CRNKL1: variants seen among roughly 807,000 people sequenced by gnomAD.
CRNKL1 encodes the protein crooked neck pre-mRNA splicing factor 1.
CRNKL1 carries 35 observed loss-of-function variants against 103.7 expected under a neutral mutation model. That is an observed-to-expected ratio of 0.34 (90% CI 0.26 to 0.45). The LOEUF (loss-of-function observed/expected upper bound fraction) is 0.45, where lower values mean the gene tolerates loss of function less well. Ranked by LOEUF, CRNKL1 falls within the 20% of genes least tolerant of loss-of-function variation. The pLI is 1.00. For missense variants in CRNKL1, 645 were observed against 836.0 expected, an observed-to-expected ratio of 0.77 and a Z score of 2.82; for synonymous variants, 267 against 282.6, an observed-to-expected ratio of 0.94 and a Z score of 0.55.
Position 20,038,429 on chromosome 20 carries a change from C to G in CRNKL1, c.1567G>C (p.Asp523His). 1 of 1,551,572 alleles carries G rather than the reference C, an allele frequency of 6.4e-7. No homozygotes were observed. Among genetic ancestry groups the G allele is most frequent in the Non-Finnish European group, 8.7e-7 (1 of 1,146,714 alleles). The stretch of plus-strand genomic sequence containing the variant: ...GTTTCTTCCTGCTCAATTTCAAAAT[C>G]AATATATGATTTCCAAAGCACCTAA... ...MPEVLWKSYI[D>H]FEIEQEETER... The change falls in exon 12 of 14, where the codon GAT (aspartate) becomes CAT (histidine). Residue 523 changes from aspartate to histidine, a missense_variant. By Grantham distance (81) the Asp-to-His change is moderately conservative. Coordinates refer to ENST00000536226, the MANE Select transcript of CRNKL1 (RefSeq NM_001278628.2).
chr20:20,044,982 T>C (rs578001350), intron 6 of CRNKL1, among the ~76,000 whole-genome samples: 1 of 152,338 alleles, frequency 6.6e-6, no homozygotes, highest in East Asian at 1.9e-4. Context: ...CTTTAAGCTT[T>C]TTGTTTCCCA....
At position 20,036,270 on chromosome 20, in the gene CRNKL1, C is replaced by A; in HGVS notation, c.1989G>T (p.Leu663=). 2.5e-6 allele frequency: 4 copies of A among 1,614,212 alleles called. No homozygotes were observed. The highest frequency in any genetic ancestry group is 3.4e-6 in the Non-Finnish European group (4 of 1,180,030). Residue 663 remains leucine (L), a synonymous_variant, in exon 14 of 14, where the codon CTG becomes CTT. Transcript: ENST00000536226. ...PNLKLLAMAK[L]WKKQQQEKED... Reference sequence around the variant, plus strand: ...CCTTTTCCTGCTGCTGTTTCTTCCACAGTTTGGCCATGGCCAGGAGTTTGA... The same window carrying A: ...CCTTTTCCTGCTGCTGTTTCTTCCAAAGTTTGGCCATGGCCAGGAGTTTGA...
chr20:20,054,490 T>G (rs184691861), upstream of CRNKL1, among the ~76,000 whole-genome samples: 1 of 152,300 alleles, frequency 6.6e-6, no homozygotes, highest in East Asian at 1.9e-4. Flanking sequence ...TTTTAAACAT[T>G]TTTTAAAAAT....
Position 20,043,539 on chromosome 20 carries a change from C to G in CRNKL1, c.925G>C (p.Asp309His). ...KKFGDRRGIEDIIVSKRRFQY... is the reference protein window; with the variant it reads ...KKFGDRRGIEHIIVSKRRFQY... ...AATCTCCGTTTGCTCACAATGATAT[C>G]TTCAATACCCCGCCTATCACCAAAC... Residue 309 changes from aspartate to histidine, a missense_variant, in exon 7 of 14, where the codon GAT becomes CAT. Asp to His is a moderately conservative substitution (Grantham distance 81). This residue lies in a region of CRNKL1 where 582 missense variants were observed against 707.7 expected (regional missense o/e 0.82). Transcript: ENST00000536226. 1 of 1,614,082 alleles carries G rather than the reference C, an allele frequency of 6.2e-7. No homozygotes were observed. Among genetic ancestry groups the G allele is most frequent in the East Asian group, 2.2e-5 (1 of 44,882 alleles).
At chr20:20,052,517 G>C (rs2043799186), upstream of CRNKL1, 2 of 1,614,242 alleles carry the variant, frequency 1.2e-6, no homozygotes, top group African/African-American at 1.3e-5. Context: ...AGGCGGCACC[G>C]TTTCCATGGT....
At position 20,034,833 on chromosome 20, in the gene CRNKL1, T is replaced by A. The variant is rs897260889; in HGVS notation, c.*1362A>T. 1 of 152,252 alleles carries A rather than the reference T, an allele frequency of 6.6e-6. No homozygotes were observed. The highest frequency in any genetic ancestry group is 2.4e-5 in the African/African-American group (1 of 41,470). The allele number at this position is 152,252 out of a possible 1,614,324, so 9.4% of individuals were successfully genotyped here. ...TTCAAGATAAAATTTAGTAACAACA[T>A]TACGAAGTAGCTTTTATTCCCTTGG... On this transcript the variant is annotated 3_prime_UTR_variant, in exon 14 of 14. Transcript: ENST00000536226.
Position 20,043,476 on chromosome 20 carries a change from C to A in CRNKL1, c.972+16G>T. On this transcript the variant is annotated intron_variant, in intron 7 of 13. Coordinates refer to ENST00000536226, the MANE Select transcript of CRNKL1 (RefSeq NM_001278628.2). ...TTGGGTTATCTGCAGAGTTGACCATCCACACCAGTGCTCACCTTCACTTCT... is the reference window on the plus strand; with the variant it reads ...TTGGGTTATCTGCAGAGTTGACCATACACACCAGTGCTCACCTTCACTTCT... The A allele has an allele frequency of 1.2e-6, 2 of 1,609,476 alleles. No homozygotes were observed. The highest frequency in any genetic ancestry group is 2.2e-5 in the East Asian group (1 of 44,772).
intron 1 of CRNKL1, 102 bp from the exon 2 acceptor site, chr20:20,050,724 C>T (rs2043686280): frequency 2.0e-6 from 2 of 996,532 alleles, no homozygotes; most frequent in African/African-American, 3.3e-5. Context: ...TTAGTATTAT[C>T]ACAAGATGCC....
chr20:20,054,009 G>GTT (rs1491456523), upstream of CRNKL1, among the ~76,000 whole-genome samples: 1 of 88,854 alleles, frequency 1.1e-5, no homozygotes, highest in African/African-American at 4.0e-5. Context: ...TGTTTTTTTT[G>GTT]TTTGTTTTTT....
intron 13 of CRNKL1, among the ~76,000 whole-genome samples, chr20:20,036,920 T>C (rs960642381): frequency 6.6e-6 from 1 of 152,220 alleles, no homozygotes; most frequent in African/African-American, 2.4e-5. Flanking sequence ...GCTAGCAATC[T>C]GGTCACGTCA....
Position 20,049,440 on chromosome 20 carries a change from A to T in CRNKL1, c.205-9T>A. On this transcript the variant is annotated splice_polypyrimidine_tract_variant and intron_variant, in intron 2 of 13. Coordinates refer to ENST00000536226, the MANE Select transcript of CRNKL1 (RefSeq NM_001278628.2). ...ATATTATCTTCAAAAGTCTGGAAGAAGGCAAAAAGGGTCAAGTCAAAAGAC... is the reference window on the plus strand; with the variant it reads ...ATATTATCTTCAAAAGTCTGGAAGATGGCAAAAAGGGTCAAGTCAAAAGAC... 6.8e-7 allele frequency: 1 copy of T among 1,462,608 alleles called. No homozygotes were observed. The highest frequency in any genetic ancestry group is 1.2e-5 in the South Asian group (1 of 84,452). 90.6% of individuals were successfully genotyped at this position (1,462,608 alleles called of 1,614,324 possible).
Position 20,042,643 on chromosome 20 carries a change from A to C in CRNKL1, c.973-127T>G, listed in dbSNP as rs541854657. 5.9e-5 allele frequency: 47 copies of C among 792,346 alleles called. No individual in the cohort carries two copies. The African/African-American group carries it at 7.0e-4, about 12-fold the overall frequency. 49.1% of individuals were successfully genotyped at this position (792,346 alleles called of 1,614,324 possible). ...TAGCACCTTTTCTTCTAAATGTTAC[A>C]TGTTCTTTCATTTTAAAAACACCAT... is the stretch of plus-strand genomic sequence containing the variant. On this transcript the variant is annotated intron_variant, in intron 7 of 13. Transcript: ENST00000536226.
chr20:20,041,608 T>C lies in CRNKL1; in HGVS notation c.1182A>G (p.Arg394=), dbSNP rs112275035. Residue 394 remains arginine, a synonymous_variant, in exon 9 of 14, where the codon AGA becomes AGG. Transcript: ENST00000536226. ...ELEAKDPERT[R]QVYQASLELI... is the part of the protein sequence containing the mutation. Reference sequence around the variant, plus strand: ...GTTCCAAAGAGGCTTGATACACCTGTCTTGTCCTCTCAGGATCCTGTATTA... The same window carrying C: ...GTTCCAAAGAGGCTTGATACACCTGCCTTGTCCTCTCAGGATCCTGTATTA... 1 of 1,613,306 alleles carries C rather than the reference T, an allele frequency of 6.2e-7. No individual in the cohort carries two copies. Among genetic ancestry groups the C allele is most frequent in the Admixed American group, 1.7e-5 (1 of 60,022 alleles).
chr20:20,036,372 TA>T lies in CRNKL1; in HGVS notation c.1897-11del. Reference sequence around the variant, plus strand: ...CCCAGCCTGCATCAGACTACAGAAATAAAAAATGAAAAGATAAGCAAACGTG... The same window carrying T: ...CCCAGCCTGCATCAGACTACAGAAATAAAAATGAAAAGATAAGCAAACGTG... On this transcript the variant is annotated splice_polypyrimidine_tract_variant and intron_variant, in intron 13 of 13. Transcript: ENST00000536226. 6.2e-7 allele frequency: 1 copy of T among 1,613,652 alleles called. No homozygotes were observed.
chr20:20,049,222 G>GAA, intron 3 of CRNKL1, 118 bp downstream of exon 3: 1 of 639,742 alleles, frequency 1.6e-6, no homozygotes, highest in South Asian at 2.2e-5. Context: ...AACCAAAGTT[G>GAA]AAAATTTCTA....
chr20:20,054,014 T>G (rs2663986), upstream of CRNKL1, among the ~76,000 whole-genome samples: 10,923 of 133,040 alleles, frequency 0.082, 1,097 homozygotes, highest in East Asian at 0.58. Context: ...TTTTTGTTTG[T>G]TTTTTTTTTT....
chr20:20,036,093 T>A lies in CRNKL1; in HGVS notation c.*102A>T. 8.3e-7 allele frequency: 1 copy of A among 1,203,966 alleles called. No individual in the cohort carries two copies. Among genetic ancestry groups the A allele is most frequent in the Non-Finnish European group, 1.2e-6 (1 of 869,486 alleles). 74.6% of individuals were successfully genotyped at this position (1,203,966 alleles called of 1,614,324 possible). On this transcript the variant is annotated 3_prime_UTR_variant, in exon 14 of 14. Transcript: ENST00000536226. ...AAAAAGTAGCCATCAAAGATACCAA[T>A]CAATTTCTTACTGGTGAAATATATA...
intron 9 of CRNKL1, 66 bp downstream of exon 9, chr20:20,041,500 T>C: frequency 8.2e-7 from 1 of 1,222,882 alleles, no homozygotes; most frequent in Non-Finnish European, 1.2e-6. Context: ...TTTCACTGAA[T>C]TACTTCACAA....
chr20:20,053,620 G>A (rs1057033507), upstream of CRNKL1, among the ~76,000 whole-genome samples: 4 of 152,142 alleles, frequency 2.6e-5, no homozygotes, highest in Non-Finnish European at 5.9e-5. Flanking sequence ...TACCAATGCA[G>A]ATATTACTTT....
Sources: allele counts gnomAD v4.1 joint callset (sites outside exome capture counted in the v4.1 genomes callset), GRCh38; gene constraint gnomAD v4.1.1; regional missense constraint gnomAD v4.1.1; transcripts MANE v1.5; gene names NCBI Gene and HGNC (gene_info 2026-07-23, HGNC 2026-07-21).